The following FOXP1 variants were observed in gnomAD, a reference collection of about 807,000 sequenced individuals.
FOXP1 encodes forkhead box P1, also known as forkhead box protein P1.
Under a neutral mutation model 98.2 loss-of-function variants are expected in FOXP1, and 15 were observed. That is an observed-to-expected ratio of 0.15 (90% CI 0.10 to 0.24). The LOEUF (loss-of-function observed/expected upper bound fraction) is 0.24. Among genes scored for constraint, FOXP1 ranks in the 10% least tolerant of loss-of-function variants. The probability of loss-of-function intolerance (pLI) is 1.00; values close to 1 mark genes in which losing one functional copy is unlikely to be tolerated. For synonymous variants in FOXP1, 371 were observed against 314.5 expected, an observed-to-expected ratio of 1.18 and a Z score of -1.90; for missense variants, 633 against 848.5, an observed-to-expected ratio of 0.75 and a Z score of 3.15.
At chr3:71,534,161 C>T (rs1166671392) in intron 2 of FOXP1, among the ~76,000 whole-genome samples, 1 of 152,110 alleles carries the variant, frequency 6.6e-6, no homozygotes, top group Non-Finnish European at 1.5e-5. Flanking sequence ...GTCAGGAGTT[C>T]GAGACCAGCC....
chr3:71,521,960 G>A (rs147674035), intron 2 of FOXP1, among the ~76,000 whole-genome samples: 3 of 152,222 alleles, frequency 2.0e-5, no homozygotes, highest in South Asian at 2.1e-4. Flanking sequence ...TATGAAGCCC[G>A]CTGATTTGGT....
chr3:71,186,739 T>C (rs1187489157), intron 6 of FOXP1, among the ~76,000 whole-genome samples: 5 of 152,038 alleles, frequency 3.3e-5, no homozygotes, highest in Admixed American at 6.6e-5. Flanking sequence ...CAAATATATA[T>C]AGTATAAATA....
chr3:71,447,885 A>G (rs1283431325), intron 3 of FOXP1, among the ~76,000 whole-genome samples: 1 of 152,208 alleles, frequency 6.6e-6, no homozygotes, highest in Non-Finnish European at 1.5e-5. Context: ...TATACTTACA[A>G]CTATGCAAGT....
chr3:71,016,755 T>C (rs1056187890), intron 11 of FOXP1, among the ~76,000 whole-genome samples: 1 of 152,064 alleles, frequency 6.6e-6, no homozygotes, highest in African/African-American at 2.4e-5. Flanking sequence ...TTCATGTATT[T>C]TATCAATTTA....
At chr3:71,257,940 C>T (rs2068773595) in intron 5 of FOXP1, among the ~76,000 whole-genome samples, 1 of 152,178 alleles carries the variant, frequency 6.6e-6, no homozygotes, top group Non-Finnish European at 1.5e-5. Context: ...AGCTACTTGG[C>T]AGGAGCAAAC....
chr3:71,208,341 C>A (rs1379634194), intron 5 of FOXP1, among the ~76,000 whole-genome samples: 1 of 152,090 alleles, frequency 6.6e-6, no homozygotes, highest in African/African-American at 2.4e-5. Context: ...AGCTCTCTCC[C>A]TTCAGAAAAA....
At chr3:71,083,233 G>A (rs1182445261) in intron 7 of FOXP1, among the ~76,000 whole-genome samples, 2 of 152,068 alleles carry the variant, frequency 1.3e-5, no homozygotes, top group Non-Finnish European at 2.9e-5. Flanking sequence ...GGTTAAGTGT[G>A]TGCCCCCTCA....
chr3:71,384,956 T>C (rs2080456762), intron 3 of FOXP1, among the ~76,000 whole-genome samples: 1 of 152,148 alleles, frequency 6.6e-6, no homozygotes, highest in Non-Finnish European at 1.5e-5. Flanking sequence ...TCTCAGCCCT[T>C]CAATCAACAA....
At chr3:71,192,105 A>G (rs1246021755) in intron 6 of FOXP1, among the ~76,000 whole-genome samples, 3 of 152,170 alleles carry the variant, frequency 2.0e-5, no homozygotes, top group Admixed American at 6.5e-5. Context: ...CTTCTAGGAC[A>G]CAGAGGTGCT....
chr3:71,087,259 T>G (rs1224378656), intron 7 of FOXP1, among the ~76,000 whole-genome samples: 1 of 152,158 alleles, frequency 6.6e-6, no homozygotes, highest in East Asian at 1.9e-4. Context: ...CAGTTCTTTG[T>G]TGGGTGGGTC....
intron 4 of FOXP1, among the ~76,000 whole-genome samples, chr3:71,336,438 C>A (rs781637555): frequency 2.0e-5 from 3 of 152,070 alleles, no homozygotes; most frequent in East Asian, 3.9e-4. Flanking sequence ...CCCTCCACCC[C>A]CCGATAGGCC....
At chr3:71,363,602 T>C (rs2078721657) in intron 3 of FOXP1, among the ~76,000 whole-genome samples, 1 of 152,218 alleles carries the variant, frequency 6.6e-6, no homozygotes. Flanking sequence ...AGGGGACTTG[T>C]TGGAGACAGG....
At chr3:71,303,870 C>T (rs1486671374) in intron 4 of FOXP1, among the ~76,000 whole-genome samples, 1 of 152,026 alleles carries the variant, frequency 6.6e-6, no homozygotes, top group African/African-American at 2.4e-5. Flanking sequence ...AGCAAGGAAA[C>T]AAGAAAGAAA....
chr3:71,523,995 A>T (rs1311444561), intron 2 of FOXP1, among the ~76,000 whole-genome samples: 1 of 152,236 alleles, frequency 6.6e-6, no homozygotes, highest in Non-Finnish European at 1.5e-5. Flanking sequence ...GTATGTTACC[A>T]GCCGACAGAC....
At chr3:71,154,040 A>G (rs1381895422) in intron 6 of FOXP1, among the ~76,000 whole-genome samples, 1 of 152,104 alleles carries the variant, frequency 6.6e-6, no homozygotes, top group Admixed American at 6.6e-5. Flanking sequence ...ATTTGTTCTC[A>G]TATAACTCTA....
At chr3:71,201,897 A>G (rs2063701480) in intron 5 of FOXP1, among the ~76,000 whole-genome samples, 1 of 152,184 alleles carries the variant, frequency 6.6e-6, no homozygotes, top group South Asian at 2.1e-4. Context: ...TATAAACTCT[A>G]TCCCTGCCCT....
chr3:71,438,895 C>T lies in FOXP1; in HGVS notation c.-168+54531G>A, dbSNP rs150013752. Among the ~76,000 whole-genome samples the T allele has an allele frequency of 2.8e-4, 43 of 152,218 alleles. 2 individuals carry two copies. The highest frequency in any genetic ancestry group is 8.9e-4 in the African/African-American group (37 of 41,530). On this transcript the variant is annotated intron_variant, in intron 3 of 20. Transcript: ENST00000649528. ...GACTGAGCATCCCACCCAGCCCTCC[C>T]CAACCCCACTGGTGGAGACCACAGG...
chr3:71,384,772 T>G (rs952767713), intron 3 of FOXP1, among the ~76,000 whole-genome samples: 1 of 152,182 alleles, frequency 6.6e-6, no homozygotes, highest in African/African-American at 2.4e-5. Flanking sequence ...CTTTTTAATT[T>G]TAAGGTGTTC....
intron 2 of FOXP1, among the ~76,000 whole-genome samples, chr3:71,543,222 G>C (rs916299575): frequency 6.6e-6 from 1 of 152,220 alleles, no homozygotes; most frequent in Non-Finnish European, 1.5e-5. Flanking sequence ...GGCAATAAGA[G>C]GGAAGGGAAT....
Sources: allele counts gnomAD v4.1 joint callset (sites outside exome capture counted in the v4.1 genomes callset), GRCh38; gene constraint gnomAD v4.1.1; transcripts MANE v1.5; gene names NCBI Gene and HGNC (gene_info 2026-07-23, HGNC 2026-07-21).